AIG1: variants seen among roughly 807,000 people sequenced by gnomAD.
AIG1 encodes androgen-induced gene 1 protein.
Under a neutral mutation model 31.4 loss-of-function variants are expected in AIG1, and 23 were observed. The ratio of observed to expected loss-of-function variants is 0.73; its 90% CI spans 0.53 to 1.04. The LOEUF is 1.04. AIG1 is among the 50% of genes least tolerant of loss of function. The pLI, the probability that AIG1 is intolerant of heterozygous loss-of-function variation, is 0.00. For missense variants in AIG1, 274 were observed against 295.0 expected (o/e 0.93, Z 0.52); for synonymous variants, 100 against 110.5 (o/e 0.90, Z 0.60).
chr6:143,063,947 C>T (rs946862410), intron 1 of AIG1, among the ~76,000 whole-genome samples: 1 of 152,176 alleles, frequency 6.6e-6, no homozygotes, highest in African/African-American at 2.4e-5. Context: ...CTGAAATACA[C>T]ATTGTTGCTA....
intron 3 of AIG1, among the ~76,000 whole-genome samples, chr6:143,230,287 A>G (rs1034906000): frequency 6.6e-6 from 1 of 151,928 alleles, no homozygotes; most frequent in African/African-American, 2.4e-5. Context: ...GTGTTAGTAA[A>G]AATTTAAATA....
chr6:143,225,673 A>C (rs924104879), intron 3 of AIG1, among the ~76,000 whole-genome samples: 2 of 152,124 alleles, frequency 1.3e-5, no homozygotes, highest in African/African-American at 4.8e-5. Context: ...TAGAAAAAAA[A>C]CCCTGTAGCT....
rs1440888050 is a variant in AIG1 at position 143,299,165 on chromosome 6, C to T, written c.515+14940C>T. On this transcript the variant is annotated intron_variant, in intron 4 of 5. Transcript: ENST00000357847. This position sits in a 1 kb window ranked among gnomAD's most constrained non-coding sequence, Gnocchi z 4.1. Reference sequence around the variant, plus strand: ...GACTGTGAGGGAGCTTAGTGGTCTTCTCCAGGGTAGATGGTAAGCAATGGT... The same window carrying T: ...GACTGTGAGGGAGCTTAGTGGTCTTTTCCAGGGTAGATGGTAAGCAATGGT... The T allele has an allele frequency of 6.6e-6, 1 of 152,190 alleles. No homozygotes were observed. The highest frequency in any genetic ancestry group is 1.5e-5 in the Non-Finnish European group (1 of 68,070). The allele number at this position is 152,190 out of a possible 1,614,324, so 9.4% of individuals were successfully genotyped here.
chr6:143,308,873 A>G (rs1232184183), intron 4 of AIG1, among the ~76,000 whole-genome samples: 1 of 152,118 alleles, frequency 6.6e-6, no homozygotes, highest in Non-Finnish European at 1.5e-5. Flanking sequence ...TTGTAGTTTT[A>G]GCCTTTATCA....
intron 3 of AIG1, among the ~76,000 whole-genome samples, chr6:143,273,147 A>C (rs971163652): frequency 2.6e-5 from 4 of 152,212 alleles, no homozygotes; most frequent in African/African-American, 9.6e-5. Flanking sequence ...ATATTGTGGG[A>C]ATATTTTAAA....
At chr6:143,155,375 G>T (rs1304150513) in intron 2 of AIG1, among the ~76,000 whole-genome samples, 1 of 152,178 alleles carries the variant, frequency 6.6e-6, no homozygotes, top group African/African-American at 2.4e-5. Context: ...GGCAGCTCAG[G>T]AGAGGCTTCT....
intron 5 of AIG1, 97 bp from the exon 6 acceptor site, chr6:143,339,542 A>G: frequency 8.0e-7 from 1 of 1,250,350 alleles, no homozygotes; most frequent in Non-Finnish European, 1.1e-6. Context: ...GTGAGGGCAG[A>G]TGAGTGGATG....
At chr6:143,272,300 G>A (rs1038543827) in intron 3 of AIG1, among the ~76,000 whole-genome samples, 3 of 152,138 alleles carry the variant, frequency 2.0e-5, no homozygotes, top group Non-Finnish European at 2.9e-5. Context: ...TGAATTCTCT[G>A]TAGATTAACC....
At chr6:143,195,257 G>A (rs1790130182) in intron 3 of AIG1, among the ~76,000 whole-genome samples, 1 of 152,102 alleles carries the variant, frequency 6.6e-6, no homozygotes, top group African/African-American at 2.4e-5. Flanking sequence ...GGAAGAGGAG[G>A]TAAAGGTGGA....
intron 3 of AIG1, among the ~76,000 whole-genome samples, chr6:143,184,524 T>G (rs1326940650): frequency 1.3e-5 from 2 of 152,244 alleles, no homozygotes; most frequent in African/African-American, 4.8e-5. Flanking sequence ...AATGGCAAGA[T>G]GCATCTCAAA....
intron 3 of AIG1, among the ~76,000 whole-genome samples, chr6:143,223,154 C>T (rs760478743): frequency 9.8e-5 from 15 of 152,308 alleles, no homozygotes; most frequent in Non-Finnish European, 1.8e-4. Context: ...AGCAGACCCA[C>T]TGGTGTGCTG....
intron 3 of AIG1, among the ~76,000 whole-genome samples, chr6:143,239,231 C>T (rs538019321): frequency 8.6e-5 from 13 of 151,894 alleles, no homozygotes; most frequent in South Asian, 6.2e-4. Flanking sequence ...TGGTGTGGCC[C>T]CTGAAGGAAT....
At chr6:143,264,033 C>T (rs1795985270) in intron 3 of AIG1, among the ~76,000 whole-genome samples, 1 of 152,156 alleles carries the variant, frequency 6.6e-6, no homozygotes, top group South Asian at 2.1e-4. Context: ...ATTTTCTGTC[C>T]AGTATTCATG....
intron 1 of AIG1, among the ~76,000 whole-genome samples, chr6:143,096,555 C>T (rs1226097652): frequency 2.6e-5 from 4 of 152,008 alleles, no homozygotes; most frequent in Admixed American, 6.6e-5. Context: ...TCTTAAATTG[C>T]GGTTTTAAAT....
intron 3 of AIG1, among the ~76,000 whole-genome samples, chr6:143,199,925 C>A (rs750895296): frequency 1.6e-4 from 25 of 152,082 alleles, no homozygotes; most frequent in Non-Finnish European, 2.8e-4. Flanking sequence ...GAAGGGTAGG[C>A]TTTTGACAGA....
chr6:143,147,898 G>A (rs1300288672), intron 2 of AIG1, among the ~76,000 whole-genome samples: 1 of 152,148 alleles, frequency 6.6e-6, no homozygotes, highest in Admixed American at 6.5e-5. Flanking sequence ...TGTGGGCCAG[G>A]CACTGTGCTA....
In AIG1 at chr6:143,168,164, T is replaced by C. The variant is rs1787142344; in HGVS notation, c.399+2981T>C. On this transcript the variant is annotated intron_variant, in intron 3 of 5. Transcript: ENST00000357847. ...TAAAGTTTTAATAACTATTAATTTG[T>C]ACTTGCTTTTAATTCTAATTGGTTT... Among the ~76,000 whole-genome samples the C allele has an allele frequency of 2.0e-5, 3 of 152,320 alleles. No homozygotes were observed. The South Asian group carries it at 6.2e-4, about 32-fold the overall frequency.
intron 1 of AIG1, among the ~76,000 whole-genome samples, chr6:143,099,941 A>G (rs1780103680): frequency 6.6e-6 from 1 of 152,242 alleles, no homozygotes; most frequent in South Asian, 2.1e-4. Context: ...ACCTAAACAC[A>G]AGGGTCAATG....
Position 143,279,393 on chromosome 6 carries a change from C to CAA in AIG1, c.400-4714_400-4713dup, listed in dbSNP as rs1367608023. On this transcript the variant is annotated intron_variant, in intron 3 of 5. Transcript: ENST00000357847. This position sits in a 1 kb window ranked among gnomAD's most constrained non-coding sequence, Gnocchi z 5.4. Reference sequence around the variant, plus strand: ...CTGCGGGTCTGAGAGTGAGGAAGGACAAAATCAGAACTAGATCTCAGATGC... The same window carrying CAA: ...CTGCGGGTCTGAGAGTGAGGAAGGACAAAAAATCAGAACTAGATCTCAGATGC... 6.6e-6 allele frequency among the ~76,000 whole-genome samples: 1 copy of CAA among 152,210 alleles called. No homozygotes were observed. Among genetic ancestry groups the CAA allele is most frequent in the Non-Finnish European group, 1.5e-5 (1 of 68,042 alleles).
Sources: gnomAD v4.1 joint callset for allele counts (sites outside exome capture counted in the v4.1 genomes callset) on GRCh38, gnomAD v4.1.1 for gene constraint, Gnocchi (gnomAD v3.1) non-coding constraint, MANE v1.5 for transcripts, NCBI Gene and HGNC (gene_info 2026-07-23, HGNC 2026-07-21) for gene names.